The following MYO9A variants were observed in gnomAD, a reference collection of about 807,000 sequenced individuals.
The protein encoded by MYO9A is myosin IXA.
Under a neutral mutation model 293.3 loss-of-function variants are expected in MYO9A, and 103 were observed. The ratio of observed to expected loss-of-function variants is 0.35; its 90% CI spans 0.30 to 0.41. The LOEUF is 0.41. Among genes scored for constraint, MYO9A ranks in the 10% least tolerant of loss-of-function variants. The probability of loss-of-function intolerance (pLI) is 1.00; values close to 1 mark genes in which losing one functional copy is unlikely to be tolerated. For synonymous variants in MYO9A, 1,001 were observed against 1,035.7 expected (o/e 0.97, Z 0.64); for missense variants, 2,685 against 3,033.0 (o/e 0.89, Z 2.69).
chr15:71,951,456 G>C (rs1164345049), intron 15 of MYO9A, among the ~76,000 whole-genome samples: 2 of 150,428 alleles, frequency 1.3e-5, no homozygotes, highest in African/African-American at 4.9e-5. Flanking sequence ...TTTTTTATGA[G>C]CAGGAAAGAA....
At chr15:71,947,283 GAAAAA>G (rs33945561) in intron 15 of MYO9A, among the ~76,000 whole-genome samples, 6 of 127,890 alleles carry the variant, frequency 4.7e-5, no homozygotes, top group African/African-American at 8.9e-5. Context: ...TCCATCTCAG[GAAAAA>G]AAAAAAAAAA....
rs184280154 is a variant in MYO9A, at chr15:72,068,666, C to A, written c.-71-22032G>T. Among the ~76,000 whole-genome samples the A allele has an allele frequency of 4.6e-5, 7 of 152,010 alleles. No individual in the cohort carries two copies. The East Asian group carries it at 1.2e-3, about 25-fold the overall frequency. On this transcript the variant is annotated intron_variant, in intron 1 of 41. Coordinates refer to ENST00000356056, the MANE Select transcript of MYO9A (RefSeq NM_006901.4). ...ATTTTTATTTTTATTTTTGCAGAGA[C>A]AGGGTCTCCCTATGTTGCCCAGGCT...
At chr15:72,106,858 C>T (rs1475726114) in intron 1 of MYO9A, among the ~76,000 whole-genome samples, 1 of 152,142 alleles carries the variant, frequency 6.6e-6, no homozygotes, top group African/African-American at 2.4e-5. Flanking sequence ...CTGAGAAAAT[C>T]ATTATTTCAA....
chr15:71,829,974 C>G, intron 40 of MYO9A, 135 bp downstream of exon 40: 4 of 966,352 alleles, frequency 4.1e-6, no homozygotes, highest in Non-Finnish European at 6.3e-6. Flanking sequence ...TCTTTGTCAT[C>G]TCAACATCTC....
In MYO9A at chr15:71,878,352, T is replaced by C. The variant is rs1596089043; in HGVS notation, c.5740-121A>G. ...AAGATTAGGATCCTGATATAATTTC[T>C]AATGAGCATGCCCATGAGGTCATGT... is the stretch of plus-strand genomic sequence containing the variant. On this transcript the variant is annotated intron_variant, in intron 30 of 41. Coordinates refer to ENST00000356056, the MANE Select transcript of MYO9A (RefSeq NM_006901.4). 3 of 631,246 alleles carry C rather than the reference T, an allele frequency of 4.8e-6. No individual in the cohort carries two copies. In the African/African-American group the frequency reaches 5.7e-5, roughly 12 times the overall value. 39.1% of individuals were successfully genotyped at this position (631,246 alleles called of 1,614,324 possible).
rs146293552 is a variant in MYO9A at position 71,968,110 on chromosome 15, T to C, written c.1860A>G (p.Thr620=). 187 of 1,583,218 alleles carry C rather than the reference T, an allele frequency of 1.2e-4. No individual in the cohort carries two copies. In the African/African-American group the frequency reaches 2.3e-3, roughly 20 times the overall value. The part of the protein sequence containing the change: ...LDEESNFPQA[T]NQTLLDKFKH... ...TAAACTTGTCTAGCAATGTTTGATT[T>C]GTAGCCTGTGGAAAGCTGAATTAAA... The change falls in exon 13 of 42, where the codon ACA becomes ACG. Residue 620 remains threonine, a synonymous_variant. Coordinates refer to ENST00000356056, the MANE Select transcript of MYO9A (RefSeq NM_006901.4).
At position 71,994,476 on chromosome 15, in the gene MYO9A, T is replaced by C; in HGVS notation, c.1580A>G (p.Asn527Ser). Reference sequence around the variant, plus strand: ...AATCCAATATATCATTACCTTGGTATTATGCTCTAAATCTTTACTATTCAG... The same window carrying C: ...AATCCAATATATCATTACCTTGGTACTATGCTCTAAATCTTTACTATTCAG... ...ALLNSKDLEH[N>S]TKTLSIGVLD... Residue 527 changes from asparagine (N) to serine (S), a missense_variant, in exon 10 of 42, where the codon AAT becomes AGT. Transcript: ENST00000356056. The C allele has an allele frequency of 6.4e-7, 1 of 1,571,450 alleles. No individual in the cohort carries two copies. The highest frequency in any genetic ancestry group is 1.2e-5 in the South Asian group (1 of 85,862).
chr15:72,108,303 C>T (rs1436782570), intron 1 of MYO9A, among the ~76,000 whole-genome samples: 1 of 152,318 alleles, frequency 6.6e-6, no homozygotes, highest in East Asian at 1.9e-4. Context: ...ACATGATATA[C>T]AACATCACCT....
chr15:71,963,631 T>A (rs2075800099), intron 13 of MYO9A, among the ~76,000 whole-genome samples: 1 of 151,914 alleles, frequency 6.6e-6, no homozygotes, highest in South Asian at 2.1e-4. Context: ...TCTATTTTTT[T>A]AGTAGAGACA....
intron 18 of MYO9A, among the ~76,000 whole-genome samples, chr15:71,920,500 A>G (rs1039755136): frequency 6.6e-6 from 1 of 152,278 alleles, no homozygotes; most frequent in Non-Finnish European, 1.5e-5. Flanking sequence ...ACTAGACATC[A>G]ACTCTGAAAA....
intron 27 of MYO9A, among the ~76,000 whole-genome samples, chr15:71,884,655 C>T (rs940669561): frequency 7.2e-5 from 11 of 152,126 alleles, no homozygotes; most frequent in Admixed American, 3.9e-4. Flanking sequence ...AAGTACCTTG[C>T]GATAACAATG....
At chr15:72,097,728 T>C (rs534927290) in intron 1 of MYO9A, among the ~76,000 whole-genome samples, 37 of 152,054 alleles carry the variant, frequency 2.4e-4, no homozygotes, top group Non-Finnish European at 4.3e-4. Context: ...GCCAACATGG[T>C]GTAACCCCAT....
chr15:71,938,193 G>T (rs2058686633), intron 16 of MYO9A, among the ~76,000 whole-genome samples: 1 of 152,050 alleles, frequency 6.6e-6, no homozygotes, highest in African/African-American at 2.4e-5. Context: ...AATGATCAAT[G>T]AAGTTATACC....
intron 10 of MYO9A, among the ~76,000 whole-genome samples, chr15:71,991,687 T>G (rs2076545877): frequency 6.6e-6 from 1 of 152,256 alleles, no homozygotes; most frequent in Non-Finnish European, 1.5e-5. Flanking sequence ...AATTCTTCAT[T>G]AAGAACCAAA....
intron 1 of MYO9A, among the ~76,000 whole-genome samples, chr15:72,054,484 A>G (rs913739192): frequency 1.3e-5 from 2 of 152,146 alleles, no homozygotes; most frequent in Non-Finnish European, 2.9e-5. Flanking sequence ...CAGCCTGGCC[A>G]AGATGGTGAA....
At chr15:71,836,099 T>C (rs1024245638) in intron 39 of MYO9A, among the ~76,000 whole-genome samples, 2 of 151,812 alleles carry the variant, frequency 1.3e-5, no homozygotes, top group African/African-American at 2.4e-5. Context: ...AAGCAAACCA[T>C]AGAATGGAAG....
chr15:72,084,167 G>C (rs530566225), intron 1 of MYO9A, among the ~76,000 whole-genome samples: 2 of 152,220 alleles, frequency 1.3e-5, no homozygotes, highest in Admixed American at 6.5e-5. Flanking sequence ...TTATGAATCT[G>C]GGCGCTCCTG....
intron 39 of MYO9A, among the ~76,000 whole-genome samples, chr15:71,843,737 C>G (rs2055266584): frequency 6.6e-6 from 1 of 152,194 alleles, no homozygotes; most frequent in African/African-American, 2.4e-5. Flanking sequence ...CCCGCCTCGG[C>G]CTCCCGAAGT....
chr15:71,840,063 C>T (rs1360469973), intron 39 of MYO9A, among the ~76,000 whole-genome samples: 1 of 152,164 alleles, frequency 6.6e-6, no homozygotes, highest in Non-Finnish European at 1.5e-5. Context: ...TCACCTCTGG[C>T]AAAAATTAAT....
Sources: gnomAD v4.1 joint callset for allele counts (sites outside exome capture counted in the v4.1 genomes callset) on GRCh38, gnomAD v4.1.1 for gene constraint, MANE v1.5 for transcripts, NCBI Gene and HGNC (gene_info 2026-07-23, HGNC 2026-07-21) for gene names.